PIAS4: variants seen among roughly 807,000 people sequenced by gnomAD.
PIAS4 encodes E3 SUMO-protein ligase PIAS4.
A neutral mutation model predicts 58.0 loss-of-function variants in PIAS4; 7 were observed. The ratio of observed to expected loss-of-function variants is 0.12; its 90% CI spans 0.07 to 0.23. PIAS4 has a LOEUF of 0.23. PIAS4 is among the 10% of genes least tolerant of loss of function. PIAS4 has a pLI of 1.00. For missense variants in PIAS4, 550 were observed against 709.5 expected, an observed-to-expected ratio of 0.78 and a Z score of 2.55; for synonymous variants, 364 against 312.4, an observed-to-expected ratio of 1.17 and a Z score of -1.74.
chr19:4,011,663 T>C (rs2039993869), intron 1 of PIAS4, among the ~76,000 whole-genome samples: 1 of 135,696 alleles, frequency 7.4e-6, no homozygotes, highest in Non-Finnish European at 1.6e-5. Context: ...GTGTTTGGTG[T>C]GGAGGTGTGG....
rs1056014826 is a variant in PIAS4, at chr19:4,029,125, CG to C, written c.907+91del. The C allele has an allele frequency of 1.3e-5, 12 of 898,332 alleles. No homozygotes were observed. The African/African-American group carries it at 1.8e-4, about 14-fold the overall frequency. 55.6% of individuals were successfully genotyped at this position (898,332 alleles called of 1,614,324 possible). The stretch of plus-strand genomic sequence containing the variant: ...TGGGTGAAGCGGGGGGCCCTGCACC[CG>C]GAGGAGATCGATCAGGGGCCGCCTG... On this transcript the variant is annotated intron_variant, in intron 7 of 10. Transcript: ENST00000262971.
At chr19:4,028,324 C>G (rs1311703572) in intron 4 of PIAS4, 137 bp downstream of exon 4, 2 of 823,932 alleles carry the variant, frequency 2.4e-6, no homozygotes, top group Admixed American at 2.2e-5. Context: ...TGCTGTCTAT[C>G]CCTGTCTGGG....
Position 4,038,473 on chromosome 19 carries a change from G to A in PIAS4, c.*598G>A, listed in dbSNP as rs1434383545. 2.0e-5 allele frequency: 3 copies of A among 151,726 alleles called. No homozygotes were observed. Among genetic ancestry groups the A allele is most frequent in the Non-Finnish European group, 4.4e-5 (3 of 67,898 alleles). 9.4% of individuals were successfully genotyped at this position (151,726 alleles called of 1,614,324 possible). A position where few individuals can be genotyped will look rare whatever the true frequency, so the allele number is the denominator to read the frequency against. On this transcript the variant is annotated 3_prime_UTR_variant, in exon 11 of 11. Transcript: ENST00000262971. The surrounding 1 kb of genome is among the most constrained non-coding windows in gnomAD (Gnocchi z 4.1). ...AGTAGGGTGGGGGGATGGGTGGGCA[G>A]GATGGGGGTACAGTGGGCGGCTGGG...
intron 4 of PIAS4, 132 bp from the exon 5 acceptor site, chr19:4,028,378 C>A (rs1026922562): frequency 1.2e-6 from 1 of 802,144 alleles, no homozygotes; most frequent in African/African-American, 1.7e-5. Flanking sequence ...ACCCGGGGGC[C>A]CTGATACCCC....
chr19:4,014,112 G>T (rs8113655), intron 2 of PIAS4, among the ~76,000 whole-genome samples: 8,173 of 152,268 alleles, frequency 0.054, 761 homozygotes, highest in African/African-American at 0.19. Flanking sequence ...TCCTTGGTCA[G>T]TGGGCTCAGG....
chr19:4,038,143 G>GCCGCCTCCCCGGCTGGAGT lies in PIAS4; in HGVS notation c.*272_*290dup. On this transcript the variant is annotated 3_prime_UTR_variant, in exon 11 of 11. Transcript: ENST00000262971. The surrounding 1 kb of genome is among the most constrained non-coding windows in gnomAD (Gnocchi z 4.1). ...AAAAACAAGGCCGGCCACCCACACA[G>GCCGCCTCCCCGGCTGGAGT]CCGCCTCCCCGGCTGGAGTCCGAGC... 1 of 406,340 alleles carries GCCGCCTCCCCGGCTGGAGT rather than the reference G, an allele frequency of 2.5e-6. No individual in the cohort carries two copies. The highest frequency in any genetic ancestry group is 2.6e-5 in the South Asian group (1 of 38,186). The allele number at this position is 406,340 out of a possible 1,614,324, so 25.2% of individuals were successfully genotyped here.
chr19:4,028,376 GC>G, intron 4 of PIAS4, 133 bp from the exon 5 acceptor site: 1 of 798,098 alleles, frequency 1.3e-6, no homozygotes, highest in East Asian at 2.7e-5. Flanking sequence ...ACACCCGGGG[GC>G]CCTGATACCC....
At chr19:4,026,381 A>T (rs6510779) in intron 3 of PIAS4, among the ~76,000 whole-genome samples, 1 of 150,626 alleles carries the variant, frequency 6.6e-6, no homozygotes. Context: ...TCCACCCCAC[A>T]TCTGCCTCCC....
intron 1 of PIAS4, 73 bp from the exon 2 acceptor site, chr19:4,012,850 G>C (rs1351090191): frequency 2.7e-6 from 4 of 1,478,772 alleles, no homozygotes; most frequent in Middle Eastern, 1.8e-4. Flanking sequence ...CCCCACATCG[G>C]GGCCTGGCCT....
chr19:4,014,125 A>G (rs909826120), intron 2 of PIAS4, among the ~76,000 whole-genome samples: 1 of 152,178 alleles, frequency 6.6e-6, no homozygotes, highest in Non-Finnish European at 1.5e-5. Flanking sequence ...GGCTCAGGTC[A>G]CTGCCAGGCT....
chr19:4,027,556 T>A (rs1281592217), intron 3 of PIAS4, among the ~76,000 whole-genome samples: 1 of 150,742 alleles, frequency 6.6e-6, no homozygotes, highest in East Asian at 1.9e-4. Context: ...TCCTCAGGTG[T>A]TACTGGTTTT....
rs749069648 is a variant in PIAS4, at chr19:4,013,388, C to T, written c.454+39C>T. On this transcript the variant is annotated intron_variant, in intron 2 of 10. Coordinates refer to ENST00000262971, the MANE Select transcript of PIAS4 (RefSeq NM_015897.4). This position sits in a 1 kb window ranked among gnomAD's most constrained non-coding sequence, Gnocchi z 5.1. ...CTGGGGAGGCTGCGACTGGAGGCTTCACCTAGGCCCCGTCGCCCAGCCCAG... is the reference window on the plus strand; with the variant it reads ...CTGGGGAGGCTGCGACTGGAGGCTTTACCTAGGCCCCGTCGCCCAGCCCAG... The T allele has an allele frequency of 3.2e-6, 5 of 1,557,122 alleles. No homozygotes were observed. The South Asian group carries it at 5.7e-5, about 18-fold the overall frequency.
rs937243256 is a variant in PIAS4 at position 4,028,094 on chromosome 19, C to A, written c.540-52C>A. ...CTTGTCGGGTGGGCTGGGGTCACGC[C>A]CTCCTCACTCAGCTCTCCTTTCCTT... On this transcript the variant is annotated intron_variant, in intron 3 of 10. Coordinates refer to ENST00000262971, the MANE Select transcript of PIAS4 (RefSeq NM_015897.4). 3 of 1,580,340 alleles carry A rather than the reference C, an allele frequency of 1.9e-6. No homozygotes were observed. In the South Asian group the frequency reaches 3.3e-5, roughly 17 times the overall value.
At chr19:4,036,973 A>ATG (rs1357774144) in intron 9 of PIAS4, among the ~76,000 whole-genome samples, 1 of 152,210 alleles carries the variant, frequency 6.6e-6, no homozygotes, top group African/African-American at 2.4e-5. Flanking sequence ...GTGCACACAC[A>ATG]CGCACATGCT....
intron 2 of PIAS4, among the ~76,000 whole-genome samples, chr19:4,020,610 GT>G (rs1176518229): frequency 1.6e-4 from 25 of 152,176 alleles, no homozygotes; most frequent in Non-Finnish European, 1.5e-5. Context: ...GCTGCTCAGC[GT>G]TTTTGCTTTG....
intron 7 of PIAS4, among the ~76,000 whole-genome samples, chr19:4,030,917 G>T (rs1285026015): frequency 6.6e-6 from 1 of 152,146 alleles, no homozygotes; most frequent in Non-Finnish European, 1.5e-5. Context: ...GGGAGTGGGA[G>T]TCAGGCAGGT....
At chr19:4,032,932 C>G (rs1046704074) in intron 7 of PIAS4, among the ~76,000 whole-genome samples, 168 bp from the exon 8 acceptor site, 1 of 152,208 alleles carries the variant, frequency 6.6e-6, no homozygotes, top group East Asian at 1.9e-4. Context: ...GGTTGCCACC[C>G]GGCTTTCTCC....
intron 1 of PIAS4, among the ~76,000 whole-genome samples, 157 bp downstream of exon 1, chr19:4,007,944 T>TGAGGGCGGGGGGCGGGGAGGCC (rs2144899406): frequency 6.7e-6 from 1 of 148,828 alleles, no homozygotes; most frequent in South Asian, 2.2e-4. Flanking sequence ...GGTCTCAGGG[T>TGAGGGCGGGGGGCGGGGAGGCC]GAGGGCGGGG....
intron 7 of PIAS4, 104 bp from the exon 8 acceptor site, chr19:4,032,996 C>T (rs2040236589): frequency 1.1e-6 from 1 of 883,666 alleles, no homozygotes. Context: ...TCGTCAGGGG[C>T]CTGTTCTGGG....
Sources: allele counts gnomAD v4.1 joint callset (sites outside exome capture counted in the v4.1 genomes callset), GRCh38; gene constraint gnomAD v4.1.1; non-coding constraint Gnocchi (gnomAD v3.1); transcripts MANE v1.5; gene names NCBI Gene and HGNC (gene_info 2026-07-23, HGNC 2026-07-21).